C8orf34: variants seen among roughly 807,000 people sequenced by gnomAD.
C8orf34 encodes the protein chromosome 8 open reading frame 34.
In C8orf34, 65 loss-of-function variants were observed where a neutral mutation model predicts 68.3. The ratio of observed to expected loss-of-function variants is 0.95; its 90% CI spans 0.78 to 1.17. The LOEUF is 1.17. Among genes scored for constraint, C8orf34 ranks in the 50% most tolerant of loss-of-function variants. The pLI, the probability that C8orf34 is intolerant of heterozygous loss-of-function variation, is 0.00. For missense variants in C8orf34, 664 were observed against 655.4 expected, an observed-to-expected ratio of 1.01 and a Z score of -0.14; for synonymous variants, 244 against 241.2, an observed-to-expected ratio of 1.01 and a Z score of -0.11.
At chr8:68,398,591 C>T (rs1334311443) in intron 1 of C8orf34, among the ~76,000 whole-genome samples, 3 of 152,028 alleles carry the variant, frequency 2.0e-5, no homozygotes, top group South Asian at 2.1e-4. Context: ...AACCATTTCA[C>T]TATGTATTAA....
intron 10 of C8orf34, among the ~76,000 whole-genome samples, chr8:68,767,731 C>G (rs1823222106): frequency 2.0e-5 from 3 of 152,156 alleles, no homozygotes; most frequent in Admixed American, 2.0e-4. Flanking sequence ...ACCCTAACTC[C>G]TGGGCTCAAG....
intron 1 of C8orf34, among the ~76,000 whole-genome samples, chr8:68,389,382 A>G (rs189311711): frequency 5.8e-4 from 88 of 152,258 alleles, no homozygotes; most frequent in Non-Finnish European, 9.6e-4. Context: ...TATAAGTGCT[A>G]TGTATGCTAT....
At chr8:68,476,194 AC>A (rs1812610131) in intron 4 of C8orf34, among the ~76,000 whole-genome samples, 1 of 152,236 alleles carries the variant, frequency 6.6e-6, no homozygotes, top group African/African-American at 2.4e-5. Context: ...AAGATGACTA[AC>A]ACGTGGAACT....
chr8:68,485,711 C>CA lies in C8orf34; in HGVS notation c.737-2303dup, dbSNP rs1290609373. Among the ~76,000 whole-genome samples the CA allele has an allele frequency of 4.5e-3, 336 of 75,348 alleles. 1 individual carries two copies. The highest frequency in any genetic ancestry group is 0.026 in the South Asian group (55 of 2,110). The allele number at this position is 75,348 out of a possible 152,430, so 49.4% of individuals were successfully genotyped here. A position where few individuals can be genotyped will look rare whatever the true frequency, so the allele number is the denominator to read the frequency against. ...TAGGAGACAAGGCAAGACTCTGTCT[C>CA]AAAAAAAAATAAAAAATAAATAAAT... On this transcript the variant is annotated intron_variant, in intron 4 of 13. Transcript: ENST00000518698.
chr8:68,613,520 A>G (rs1222668112), intron 7 of C8orf34, among the ~76,000 whole-genome samples: 5 of 143,480 alleles, frequency 3.5e-5, no homozygotes, highest in Non-Finnish European at 7.4e-5. Context: ...ATTCCCATCT[A>G]TGAGTGAGAA....
chr8:68,774,155 C>T (rs562214179), intron 10 of C8orf34, among the ~76,000 whole-genome samples: 305 of 151,988 alleles, frequency 2.0e-3, no homozygotes, highest in African/African-American at 6.9e-3. Context: ...TCCTAACCAC[C>T]CAGGCAAAGG....
chr8:68,646,181 T>C (rs1819166486), intron 8 of C8orf34, among the ~76,000 whole-genome samples: 1 of 152,146 alleles, frequency 6.6e-6, no homozygotes, highest in Non-Finnish European at 1.5e-5. Context: ...TAGCACATCT[T>C]TTGACCCCTA....
intron 7 of C8orf34, among the ~76,000 whole-genome samples, chr8:68,639,021 G>C (rs1585655147): frequency 6.6e-6 from 1 of 152,204 alleles, no homozygotes; most frequent in East Asian, 1.9e-4. Context: ...ACAGTAATGT[G>C]AGAGGAAGAG....
intron 8 of C8orf34, among the ~76,000 whole-genome samples, chr8:68,641,604 C>T (rs79959095): frequency 3.9e-4 from 59 of 152,144 alleles, no homozygotes; most frequent in East Asian, 2.1e-3. Context: ...AAGAGTTATA[C>T]GATACTTTGT....
At chr8:68,459,966 G>A (rs4737906) in intron 3 of C8orf34, among the ~76,000 whole-genome samples, 63,155 of 152,030 alleles carry the variant, frequency 0.42, 13,828 homozygotes, top group East Asian at 0.57. Flanking sequence ...TGCACTATGC[G>A]CGAGCCGAAG....
intron 10 of C8orf34, among the ~76,000 whole-genome samples, chr8:68,746,507 A>G (rs1822500318): frequency 1.2e-5 from 1 of 84,036 alleles, no homozygotes; most frequent in Non-Finnish European, 2.4e-5. Context: ...AAAGAAAAAA[A>G]GAGAGAAGAA....
At chr8:68,367,731 A>G (rs1807342684) in intron 1 of C8orf34, among the ~76,000 whole-genome samples, 1 of 133,474 alleles carries the variant, frequency 7.5e-6, no homozygotes, top group Non-Finnish European at 1.6e-5. Context: ...AGGGAATACC[A>G]CACTCTGGGG....
At chr8:68,799,190 G>A (rs10105025) in intron 12 of C8orf34, among the ~76,000 whole-genome samples, 7,484 of 152,078 alleles carry the variant, frequency 0.049, 522 homozygotes, top group African/African-American at 0.15. Flanking sequence ...ATAAAGGAGC[G>A]GCACATGTTT....
chr8:68,394,177 C>T (rs899917599), intron 1 of C8orf34, among the ~76,000 whole-genome samples: 10 of 151,356 alleles, frequency 6.6e-5, no homozygotes, highest in South Asian at 4.2e-4. Context: ...CATGCTGGTG[C>T]GCTGCACCCA....
At chr8:68,598,107 TC>T (rs11316217) in intron 7 of C8orf34, among the ~76,000 whole-genome samples, 88,338 of 151,726 alleles carry the variant, frequency 0.58, 25,899 homozygotes, top group African/African-American at 0.61. Flanking sequence ...TCCTCCTTCC[TC>T]ACTCCTACCC....
chr8:68,811,826 T>C (rs1176199733), intron 12 of C8orf34, among the ~76,000 whole-genome samples: 1 of 152,378 alleles, frequency 6.6e-6, no homozygotes, highest in South Asian at 2.1e-4. Context: ...ATTATTAATA[T>C]GATTTTACAA....
intron 1 of C8orf34, among the ~76,000 whole-genome samples, chr8:68,428,318 A>G (rs1810314818): frequency 1.3e-5 from 2 of 152,066 alleles, no homozygotes; most frequent in African/African-American, 4.8e-5. Context: ...GTACATCTAA[A>G]TGCATGCTAA....
chr8:68,594,766 G>T (rs1375661284), intron 7 of C8orf34, among the ~76,000 whole-genome samples: 5 of 152,042 alleles, frequency 3.3e-5, no homozygotes, highest in Non-Finnish European at 7.4e-5. Context: ...TTTGAACAGT[G>T]AACTTAACCC....
At chr8:68,587,973 T>C (rs1458580325) in intron 7 of C8orf34, among the ~76,000 whole-genome samples, 1 of 152,162 alleles carries the variant, frequency 6.6e-6, no homozygotes, top group Non-Finnish European at 1.5e-5. Flanking sequence ...ATATTTTAGG[T>C]ATTTCTGTTT....
Sources: gnomAD v4.1 joint callset for allele counts (sites outside exome capture counted in the v4.1 genomes callset) on GRCh38, gnomAD v4.1.1 for gene constraint, MANE v1.5 for transcripts, NCBI Gene and HGNC (gene_info 2026-07-23, HGNC 2026-07-21) for gene names.